Variants in DGCR8 observed in about 807,000 individuals in gnomAD.
DGCR8 encodes microprocessor complex subunit DGCR8.
In DGCR8, 14 loss-of-function variants were observed where a neutral mutation model predicts 78.5. The observed-to-expected ratio is 0.18, with a 90% CI of 0.12 to 0.28. The LOEUF is 0.28. DGCR8 is among the 10% of genes least tolerant of loss of function. The pLI, the probability that DGCR8 is intolerant of heterozygous loss-of-function variation, is 1.00. For missense variants in DGCR8, 702 were observed against 1,022.5 expected (o/e 0.69, Z 4.28); for synonymous variants, 399 against 402.4 (o/e 0.99, Z 0.10).
intron 9 of DGCR8, among the ~76,000 whole-genome samples, chr22:20,098,025 G>T (rs1383624135): frequency 4.0e-5 from 6 of 150,770 alleles, no homozygotes; most frequent in Non-Finnish European, 8.8e-5. Flanking sequence ...TACCCGGGAG[G>T]CTGAGGCAGA....
chr22:20,081,097 A>G (rs2049413010), intron 1 of DGCR8, among the ~76,000 whole-genome samples: 1 of 152,192 alleles, frequency 6.6e-6, no homozygotes, highest in African/African-American at 2.4e-5. Flanking sequence ...TTCACTCACA[A>G]AAGGGAGTGA....
intron 9 of DGCR8, among the ~76,000 whole-genome samples, chr22:20,103,885 C>G (rs568959660): frequency 1.3e-5 from 2 of 152,306 alleles, no homozygotes; most frequent in South Asian, 4.1e-4. Flanking sequence ...TAGTTTGTGT[C>G]TTGCCAGGCA....
At chr22:20,106,851 C>G (rs1346825952) in intron 11 of DGCR8, 153 bp downstream of exon 11, 4 of 631,614 alleles carry the variant, frequency 6.3e-6, no homozygotes, top group Non-Finnish European at 1.1e-5. Flanking sequence ...CTAAGGCGGA[C>G]TGGCAGCCGT....
chr22:20,096,379 C>T (rs2049629042), intron 9 of DGCR8: 1 of 925,402 alleles, frequency 1.1e-6, no homozygotes, highest in African/African-American at 1.8e-5. Flanking sequence ...ATAAGTGGGC[C>T]CATGGAGTTC....
chr22:20,096,601 A>T (rs144796198), intron 9 of DGCR8: 1 of 429,150 alleles, frequency 2.3e-6, no homozygotes, highest in Non-Finnish European at 3.1e-6. Flanking sequence ...GAGTTGTATA[A>T]CCATCATAAC....
At chr22:20,094,499 G>A (rs555068179) in intron 8 of DGCR8, among the ~76,000 whole-genome samples, 2 of 152,344 alleles carry the variant, frequency 1.3e-5, no homozygotes, top group African/African-American at 2.4e-5. Context: ...CACACACCCA[G>A]TGTGGCCCGT....
chr22:20,091,359 C>T, intron 5 of DGCR8, 76 bp from the exon 6 acceptor site: 1 of 1,454,708 alleles, frequency 6.9e-7, no homozygotes, highest in Non-Finnish European at 9.6e-7. Flanking sequence ...TGGGCCTGCC[C>T]CATGCACTGG....
rs778295725 is a variant in DGCR8 at position 20,106,600 on chromosome 22, G to A, written c.1898G>A (p.Gly633Glu). ...TCTGTTTTCTCTTAAAGAAACCATGGGATGGGTGACACGTCTATCAAGTTT... is the reference window on the plus strand; with the variant it reads ...TCTGTTTTCTCTTAAAGAAACCATGAGATGGGTGACACGTCTATCAAGTTT... The part of the protein sequence containing the change: ...ILHECLKRNH[G>E]MGDTSIKFEV... The change falls in exon 11 of 14, where the codon GGG becomes GAG. Residue 633 changes from glycine (G) to glutamate (E), a missense_variant. Coordinates refer to ENST00000351989, the MANE Select transcript of DGCR8 (RefSeq NM_022720.7). 6.2e-7 allele frequency: 1 copy of A among 1,612,878 alleles called. No homozygotes were observed. Among genetic ancestry groups the A allele is most frequent in the Admixed American group, 1.7e-5 (1 of 60,028 alleles).
At chr22:20,106,475 G>T in intron 10 of DGCR8, 117 bp from the exon 11 acceptor site, 1 of 862,654 alleles carries the variant, frequency 1.2e-6, no homozygotes. Flanking sequence ...CTCTGGCTGA[G>T]ATGCAGTCTG....
rs573351708 is a variant in DGCR8 at position 20,111,527 on chromosome 22, C to T, written c.*1419C>T. 2.5e-6 allele frequency: 1 copy of T among 397,948 alleles called. No homozygotes were observed. Among genetic ancestry groups the T allele is most frequent in the Non-Finnish European group, 4.4e-6 (1 of 226,052 alleles). 24.7% of individuals were successfully genotyped at this position (397,948 alleles called of 1,614,324 possible). ...TTAGACACTTGCTTCTGTCTTGCCT[C>T]CTGTCTGCAGCTGTGAATAGTCATT... is the stretch of plus-strand genomic sequence containing the variant. On this transcript the variant is annotated 3_prime_UTR_variant, in exon 14 of 14. Transcript: ENST00000351989.
chr22:20,094,579 T>A, intron 8 of DGCR8, 134 bp from the exon 9 acceptor site: 1 of 759,050 alleles, frequency 1.3e-6, no homozygotes, highest in Non-Finnish European at 2.3e-6. Context: ...GTCACTGAAG[T>A]GCTGTCTCTC....
At chr22:20,092,978 G>A in intron 8 of DGCR8, 71 bp downstream of exon 8, 1 of 1,254,688 alleles carries the variant, frequency 8.0e-7, no homozygotes, top group Non-Finnish European at 1.1e-6. Flanking sequence ...GGTTAGGGAG[G>A]GGCTGAGCAG....
chr22:20,097,757 TTC>T (rs1451926724), intron 9 of DGCR8, among the ~76,000 whole-genome samples: 1 of 151,876 alleles, frequency 6.6e-6, no homozygotes, highest in Non-Finnish European at 1.5e-5. Context: ...GTTTCATAAT[TTC>T]TGTCTTTTTT....
intron 8 of DGCR8, 142 bp downstream of exon 8, chr22:20,093,049 T>G (rs1235471899): frequency 1.3e-5 from 8 of 608,930 alleles, no homozygotes; most frequent in Non-Finnish European, 2.2e-5. Flanking sequence ...TCATCTACTT[T>G]GATTTTTAAA....
intron 9 of DGCR8, among the ~76,000 whole-genome samples, chr22:20,095,198 C>T (rs187675000): frequency 2.0e-5 from 3 of 152,182 alleles, no homozygotes; most frequent in East Asian, 3.9e-4. Flanking sequence ...TTTCACCTCC[C>T]GGATTCAAGT....
In DGCR8 at chr22:20,086,343, G is replaced by A. The variant is rs777864546; in HGVS notation, c.380G>A (p.Ser127Asn). Residue 127 changes from serine to asparagine, a missense_variant, in exon 2 of 14, where the codon AGC becomes AAC. Coordinates refer to ENST00000351989, the MANE Select transcript of DGCR8 (RefSeq NM_022720.7). This position sits in a 1 kb window ranked among gnomAD's most constrained non-coding sequence, Gnocchi z 6.4. ...AAGATTAGCGTGAGCTTTACCGAGA[G>A]CTGCAGGAGTAAGGACAGGAAGGTG... ...DVKISVSFTE[S>N]CRSKDRKVLY... 7 of 1,614,012 alleles carry A rather than the reference G, an allele frequency of 4.3e-6. No individual in the cohort carries two copies. In the South Asian group the frequency reaches 4.4e-5, roughly 10 times the overall value.
intron 9 of DGCR8, among the ~76,000 whole-genome samples, chr22:20,097,989 T>C (rs935303983): frequency 6.6e-6 from 1 of 150,892 alleles, no homozygotes; most frequent in African/African-American, 2.4e-5. Context: ...TAGCTGGGTG[T>C]GGTGGTGGGC....
At chr22:20,098,217 C>T (rs1002749361) in intron 9 of DGCR8, among the ~76,000 whole-genome samples, 6 of 151,916 alleles carry the variant, frequency 3.9e-5, no homozygotes, top group East Asian at 3.9e-4. Flanking sequence ...TCTCGAACTC[C>T]TAGGCTCAAG....
rs372212973 is a variant in DGCR8, at chr22:20,089,827, G to T, written c.1023+16G>T. On this transcript the variant is annotated intron_variant, in intron 4 of 13. Coordinates refer to ENST00000351989, the MANE Select transcript of DGCR8 (RefSeq NM_022720.7). This position sits in a 1 kb window ranked among gnomAD's most constrained non-coding sequence, Gnocchi z 4.9. Reference sequence around the variant, plus strand: ...AAGCATACGGGTAGGGGAGGCATCAGTCGTGACTTTAGGCTTGTAAGTTCT... The same window carrying T: ...AAGCATACGGGTAGGGGAGGCATCATTCGTGACTTTAGGCTTGTAAGTTCT... 5 of 1,613,296 alleles carry T rather than the reference G, an allele frequency of 3.1e-6. No individual in the cohort carries two copies. The African/African-American group carries it at 4.0e-5, about 13-fold the overall frequency.
Sources: gnomAD v4.1 joint callset for allele counts (sites outside exome capture counted in the v4.1 genomes callset) on GRCh38, gnomAD v4.1.1 for gene constraint, Gnocchi (gnomAD v3.1) non-coding constraint, MANE v1.5 for transcripts, NCBI Gene and HGNC (gene_info 2026-07-23, HGNC 2026-07-21) for gene names.